The following PABPN1L variants were observed in gnomAD, a reference collection of about 807,000 sequenced individuals.
PABPN1L encodes the protein PABPN1 like, cytoplasmic, also known as embryonic polyadenylate-binding protein 2.
In PABPN1L, 45 loss-of-function variants were observed where a neutral mutation model predicts 34.0. That is an observed-to-expected ratio of 1.32 (90% CI 1.04 to 1.70). The LOEUF is 1.70. PABPN1L is among the 40% of genes most tolerant of loss of function. PABPN1L has a pLI of 0.00. For synonymous variants in PABPN1L, 182 were observed against 152.1 expected, an observed-to-expected ratio of 1.20 and a Z score of -1.45; for missense variants, 459 against 367.8, an observed-to-expected ratio of 1.25 and a Z score of -2.03.
upstream of PABPN1L, among the ~76,000 whole-genome samples, chr16:88,868,921 C>T (rs142416234): frequency 1.2e-3 from 189 of 152,278 alleles, no homozygotes; most frequent in African/African-American, 4.3e-3. Context: ...TTAGCTCTGT[C>T]CTTTGTCCCA....
upstream of PABPN1L, among the ~76,000 whole-genome samples, chr16:88,868,616 C>CA (rs1188133290): frequency 2.0e-5 from 3 of 151,704 alleles, no homozygotes; most frequent in African/African-American, 4.8e-5. Context: ...AAAACAAAAA[C>CA]AAAAAAACCC....
upstream of PABPN1L, chr16:88,866,801 A>C: frequency 4.1e-6 from 3 of 739,838 alleles, no homozygotes; most frequent in Non-Finnish European, 6.3e-6. Flanking sequence ...TGTCACTCGG[A>C]CAGGTACCTC....
At chr16:88,866,527 G>A in exon 1 of PABPN1L, 1 of 1,551,120 alleles carries the variant, frequency 6.4e-7, no homozygotes, top group Non-Finnish European at 8.7e-7. Context: ...CCAGCCCTGG[G>A]CCTCAGGGTC....
At chr16:88,866,325 TC>T in intron 1 of PABPN1L, 26 bp downstream of exon 1, 2 of 1,539,798 alleles carry the variant, frequency 1.3e-6, no homozygotes. Context: ...TCCCCTGAGA[TC>T]CCCAGGGCCT....
rs978504763 is a variant in PABPN1L, at chr16:88,866,558, AG to A, written c.48del (p.Trp17GlyfsTer76). Reference sequence around the variant, plus strand: ...GGGTCTGAGGAGACCGTCTGGAGCCAGGCCTGAGTCGGGGGTGGGAAGAGAG... The same window carrying A: ...GGGTCTGAGGAGACCGTCTGGAGCCAGCCTGAGTCGGGGGTGGGAAGAGAG... On this transcript the variant is annotated frameshift_variant, in exon 1 of 7. Transcript: ENST00000419291. LOFTEE classifies it high-confidence loss of function. The A allele has an allele frequency of 1.3e-6, 2 of 1,552,854 alleles. No individual in the cohort carries two copies. Among genetic ancestry groups the A allele is most frequent in the Non-Finnish European group, 1.7e-6 (2 of 1,148,208 alleles).
chr16:88,863,666 C>T (rs772823694), exon 7 of PABPN1L: 197 of 1,470,834 alleles, frequency 1.3e-4, no homozygotes, highest in Non-Finnish European at 1.6e-4. Flanking sequence ...CTCGCCCCCG[C>T]GCCACTCCCT....
exon 7 of PABPN1L, chr16:88,863,689 G>A: frequency 6.6e-7 from 1 of 1,513,932 alleles, no homozygotes; most frequent in Non-Finnish European, 8.9e-7. Context: ...CCCAGCCCCA[G>A]GATGGAGCAC....
chr16:88,869,435 TCGAGAGC>T (rs1438592142), upstream of PABPN1L, among the ~76,000 whole-genome samples: 1 of 152,222 alleles, frequency 6.6e-6, no homozygotes, highest in Non-Finnish European at 1.5e-5. Flanking sequence ...TCCTCCTCCC[TCGAGAGC>T]CGCTGTCCTC....
intron 6 of PABPN1L, 130 bp from the exon 7 acceptor site, chr16:88,863,925 T>C (rs1385195304): frequency 5.0e-5 from 50 of 993,006 alleles, no homozygotes; most frequent in Non-Finnish European, 6.5e-5. Flanking sequence ...CCCAGGGGCC[T>C]TTCTGGTGAC....
chr16:88,864,161 C>G, intron 6 of PABPN1L, 76 bp downstream of exon 6: 1 of 1,476,020 alleles, frequency 6.8e-7, no homozygotes, highest in Non-Finnish European at 9.0e-7. Flanking sequence ...GGAACGAGCT[C>G]AGGGACCCCC....
At chr16:88,865,666 G>A in intron 2 of PABPN1L, 36 bp from the exon 3 acceptor site, 1 of 1,579,874 alleles carries the variant, frequency 6.3e-7, no homozygotes. Context: ...CAGGCCCTTG[G>A]TTCCTTCCTC....
chr16:88,866,282 A>T, intron 1 of PABPN1L, 70 bp downstream of exon 1: 3 of 1,498,882 alleles, frequency 2.0e-6, no homozygotes, highest in Non-Finnish European at 2.7e-6. Flanking sequence ...CGTCACCCAG[A>T]CCCCGTGTCT....
chr16:88,863,776 G>T lies in PABPN1L; in HGVS notation c.817C>A (p.Pro273Thr), dbSNP rs1169187242. 3 of 1,536,078 alleles carry T rather than the reference G, an allele frequency of 2.0e-6. No individual in the cohort carries two copies. Among genetic ancestry groups the T allele is most frequent in the East Asian group, 4.9e-5 (2 of 40,918 alleles). Residue 273 changes from proline (P) to threonine (T), a missense_variant, in exon 7 of 7, where the codon CCA becomes ACA. Pro to Thr is a conservative substitution (Grantham distance 38, BLOSUM62 -1). Transcript: ENST00000419291. ...TCCCTTTAATACGGTGAAAACCATG[G>T]TGAGAATTTTCCACGGGCCCTGCAC... is the stretch of plus-strand genomic sequence containing the variant.
chr16:88,866,062 C>T, intron 1 of PABPN1L, 121 bp from the exon 2 acceptor site: 21 of 1,396,850 alleles, frequency 1.5e-5, no homozygotes, highest in Non-Finnish European at 2.0e-5. Flanking sequence ...CTTCTCTGGA[C>T]AGGGACACTC....
chr16:88,866,083 C>T, intron 1 of PABPN1L, 142 bp from the exon 2 acceptor site: 2 of 1,363,614 alleles, frequency 1.5e-6, no homozygotes, highest in Admixed American at 2.8e-5. Flanking sequence ...CTTCCTGGGG[C>T]AGCTGGCTGG....
upstream of PABPN1L, among the ~76,000 whole-genome samples, chr16:88,869,895 A>G (rs998398453): frequency 1.8e-4 from 27 of 152,292 alleles, no homozygotes; most frequent in African/African-American, 5.5e-4. Context: ...GACACTCTTC[A>G]AATACACCCT....
Position 88,865,953 on chromosome 16 carries a change from C to T in PABPN1L, c.256-12G>A, listed in dbSNP as rs556306555. ...ATGGCCTCCAGCTCCTGCCGACACA[C>T]GGCCCTGAGCCGGGCAGGCAGCCTG... On this transcript the variant is annotated splice_polypyrimidine_tract_variant and intron_variant, in intron 1 of 6. Transcript: ENST00000419291. 80 of 1,601,366 alleles carry T rather than the reference C, an allele frequency of 5.0e-5. No homozygotes were observed. The Admixed American group carries it at 6.4e-4, about 13-fold the overall frequency.
chr16:88,863,568 G>C, exon 7 of PABPN1L: 1 of 752,128 alleles, frequency 1.3e-6, no homozygotes, highest in Non-Finnish European at 2.3e-6. Flanking sequence ...CTGTGGCCTT[G>C]GGTCTGGACC....
chr16:88,863,843 G>A (rs1423635033), intron 6 of PABPN1L, 48 bp from the exon 7 acceptor site: 1 of 1,516,100 alleles, frequency 6.6e-7, no homozygotes, highest in Non-Finnish European at 8.8e-7. Context: ...GAGGAGAAGG[G>A]GTGGTGGCCC....
Sources: allele counts gnomAD v4.1 joint callset (sites outside exome capture counted in the v4.1 genomes callset), GRCh38; gene constraint gnomAD v4.1.1; transcripts MANE v1.5; gene names NCBI Gene and HGNC (gene_info 2026-07-23, HGNC 2026-07-21).